Variants in BAZ1B observed in about 807,000 individuals in gnomAD.
The protein encoded by BAZ1B is tyrosine-protein kinase BAZ1B.
A neutral mutation model predicts 153.8 loss-of-function variants in BAZ1B; 22 were observed. The ratio of observed to expected loss-of-function variants is 0.14; its 90% CI spans 0.10 to 0.20. The LOEUF (loss-of-function observed/expected upper bound fraction) is 0.20. BAZ1B is among the 10% of genes least tolerant of loss of function. The probability of loss-of-function intolerance (pLI) is 1.00; values close to 1 mark genes in which losing one functional copy is unlikely to be tolerated. For synonymous variants in BAZ1B, 676 were observed against 633.4 expected, an observed-to-expected ratio of 1.07 and a Z score of -1.01; for missense variants, 1,325 against 1,799.3, an observed-to-expected ratio of 0.74 and a Z score of 4.77.
Position 73,521,856 on chromosome 7 carries a change from C to G in BAZ1B, c.78G>C (p.Pro26=). Residue 26 remains proline, a synonymous_variant, in exon 1 of 20, where the codon CCG becomes CCC. Coordinates refer to ENST00000339594, the MANE Select transcript of BAZ1B (RefSeq NM_032408.4). ...LPGEEPLFTI[P]HTQEAFRTRE... ...GGGTGCGGAAGGCCTCCTGAGTGTG[C>G]GGGATGGTGAAGAGCGGCTCCTCTC... 6.6e-7 allele frequency: 1 copy of G among 1,509,514 alleles called. No individual in the cohort carries two copies. Among genetic ancestry groups the G allele is most frequent in the African/African-American group, 1.4e-5 (1 of 68,998 alleles). The allele number at this position is 1,509,514 out of a possible 1,614,324, so 93.5% of individuals were successfully genotyped here.
chr7:73,508,362 T>C lies in BAZ1B; in HGVS notation c.334A>G (p.Thr112Ala), dbSNP rs1369280242. 6 of 1,614,014 alleles carry C rather than the reference T, an allele frequency of 3.7e-6. No individual in the cohort carries two copies. Among genetic ancestry groups the C allele is most frequent in the Non-Finnish European group, 5.1e-6 (6 of 1,179,968 alleles). Reference sequence around the variant, plus strand: ...CACTCTTCTCCCACAGCATATTTGGTCATGATCTCCAACCAAGCAGTATCT... The same window carrying C: ...CACTCTTCTCCCACAGCATATTTGGCCATGATCTCCAACCAAGCAGTATCT... Reference protein sequence around the residue: ...LVDTAWLEIMTKYAVGEECDF... With the variant: ...LVDTAWLEIMAKYAVGEECDF... The change falls in exon 3 of 20, where the codon ACC becomes GCC. Residue 112 changes from threonine (T) to alanine (A), a missense_variant. Transcript: ENST00000339594.
At position 73,508,378 on chromosome 7, in the gene BAZ1B, A is replaced by C; in HGVS notation, c.318T>G (p.Ala106=). Reference sequence around the variant, plus strand: ...CATATTTGGTCATGATCTCCAACCAAGCAGTATCTACTAACTTCTCTAAGG... The same window carrying C: ...CATATTTGGTCATGATCTCCAACCACGCAGTATCTACTAACTTCTCTAAGG... ...TASLEKLVDT[A]WLEIMTKYAV... is the part of the protein sequence containing the mutation. Residue 106 remains alanine (A), a synonymous_variant, in exon 3 of 20, where the codon GCT becomes GCG. Coordinates refer to ENST00000339594, the MANE Select transcript of BAZ1B (RefSeq NM_032408.4). 6.2e-7 allele frequency: 1 copy of C among 1,614,074 alleles called. No individual in the cohort carries two copies. The highest frequency in any genetic ancestry group is 8.5e-7 in the Non-Finnish European group (1 of 1,179,974).
At chr7:73,456,988 G>C (rs1788230809) in intron 13 of BAZ1B, among the ~76,000 whole-genome samples, 1 of 122,042 alleles carries the variant, frequency 8.2e-6, no homozygotes, top group Non-Finnish European at 1.7e-5. Context: ...GTATTGGCGA[G>C]AATGTGGAAA....
intron 19 of BAZ1B, 32 bp downstream of exon 19, chr7:73,442,149 C>T: frequency 1.4e-6 from 1 of 731,372 alleles, no homozygotes. Context: ...CTCCCACCCT[C>T]CCTAGCTGTC....
At chr7:73,504,261 G>A (rs1382860442) in intron 3 of BAZ1B, among the ~76,000 whole-genome samples, 2 of 152,200 alleles carry the variant, frequency 1.3e-5, no homozygotes, top group Admixed American at 6.5e-5. Context: ...ATTCATGCCT[G>A]TAATCTCAGC....
intron 13 of BAZ1B, among the ~76,000 whole-genome samples, chr7:73,457,938 T>G (rs963991609): frequency 2.0e-5 from 3 of 152,204 alleles, no homozygotes; most frequent in Non-Finnish European, 4.4e-5. Context: ...CCACCTTCCT[T>G]GTTCCACACG....
intron 2 of BAZ1B, among the ~76,000 whole-genome samples, chr7:73,509,215 G>C (rs530526096): frequency 6.6e-6 from 1 of 151,808 alleles, no homozygotes; most frequent in African/African-American, 2.4e-5. Flanking sequence ...CCAGCTACTC[G>C]GGAGGCTGAG....
chr7:73,462,071 C>T (rs1241922053), intron 12 of BAZ1B, among the ~76,000 whole-genome samples: 1 of 152,236 alleles, frequency 6.6e-6, no homozygotes, highest in Admixed American at 6.5e-5. Context: ...CCCGTCTCTA[C>T]AAAAAAATTC....
At position 73,477,256 on chromosome 7, in the gene BAZ1B, A is replaced by G; in HGVS notation, c.2205T>C (p.Ser735=). Residue 735 remains serine, a synonymous_variant, in exon 7 of 20, where the codon TCT becomes TCC. Transcript: ENST00000339594. This position sits in a 1 kb window ranked among gnomAD's most constrained non-coding sequence, Gnocchi z 5.6. ...QDEFLEKLET[S]EFFELTSEEK... ...CCTCTGACGTCAGCTCAAAAAATTC[A>G]GAGGTCTCCAGCTTTTCTAGGAACT... is the stretch of plus-strand genomic sequence containing the variant. 6.2e-7 allele frequency: 1 copy of G among 1,614,242 alleles called. No homozygotes were observed. Among genetic ancestry groups the G allele is most frequent in the Non-Finnish European group, 8.5e-7 (1 of 1,180,052 alleles).
chr7:73,521,922 G>A lies in BAZ1B; in HGVS notation c.12C>T (p.Leu4=), dbSNP rs1201962651. 22 of 1,469,194 alleles carry A rather than the reference G, an allele frequency of 1.5e-5. No homozygotes were observed. Among genetic ancestry groups the A allele is most frequent in the South Asian group, 2.6e-5 (2 of 78,332 alleles). 91.0% of individuals were successfully genotyped at this position (1,469,194 alleles called of 1,614,324 possible). A position where few individuals can be genotyped will look rare whatever the true frequency, so the allele number is the denominator to read the frequency against. The change falls in exon 1 of 20, where the codon CTC becomes CTT. Residue 4 remains leucine, a synonymous_variant. Transcript: ENST00000339594. MAP[L]LGRKPFPLVK... is the part of the protein sequence containing the mutation. The stretch of plus-strand genomic sequence containing the variant: ...CCAGCGGGAAGGGCTTGCGGCCCAG[G>A]AGCGGCGCCATCGCGGCGGCGGCGG...
intron 11 of BAZ1B, chr7:73,464,035 A>T: frequency 1.2e-6 from 1 of 801,500 alleles, no homozygotes; most frequent in Non-Finnish European, 1.5e-6. Context: ...TTGCCTAGAC[A>T]CATCTGTATT....
At chr7:73,448,422 C>T (rs1466412410) in intron 15 of BAZ1B, among the ~76,000 whole-genome samples, 2 of 152,130 alleles carry the variant, frequency 1.3e-5, no homozygotes, top group Non-Finnish European at 2.9e-5. Flanking sequence ...TTACAAGGCC[C>T]GGTATTTGGC....
In BAZ1B at chr7:73,481,030, G is replaced by A. The variant is rs189881712; in HGVS notation, c.892-2461C>T. Reference sequence around the variant, plus strand: ...CAACCTCCACCTCCCAGGCTCAAGCGACTCTCCTGCCTCAGCCTCCCAAGT... The same window carrying A: ...CAACCTCCACCTCCCAGGCTCAAGCAACTCTCCTGCCTCAGCCTCCCAAGT... On this transcript the variant is annotated intron_variant, in intron 6 of 19. Transcript: ENST00000339594. Among the ~76,000 whole-genome samples, 274 of 152,172 alleles carry A rather than the reference G, an allele frequency of 1.8e-3. 3 individuals carry two copies. Among genetic ancestry groups the A allele is most frequent in the African/African-American group, 6.1e-3 (255 of 41,528 alleles).
At chr7:73,449,728 C>A (rs782606104) in intron 14 of BAZ1B, 39 bp from the exon 15 acceptor site, 2 of 1,603,500 alleles carry the variant, frequency 1.2e-6, no homozygotes, top group South Asian at 1.1e-5. Context: ...GTTGGGAGCA[C>A]AGCAGCAGTC....
intron 1 of BAZ1B, among the ~76,000 whole-genome samples, chr7:73,519,199 T>C (rs945926640): frequency 1.3e-5 from 2 of 152,182 alleles, no homozygotes; most frequent in Non-Finnish European, 2.9e-5. Context: ...CAGTAAAATA[T>C]CACACAAAGT....
At chr7:73,493,137 T>G (rs1025576951) in intron 4 of BAZ1B, among the ~76,000 whole-genome samples, 45 of 152,128 alleles carry the variant, frequency 3.0e-4, no homozygotes, top group African/African-American at 1.1e-3. Flanking sequence ...TACAATGTAG[T>G]AAACAGTGTA....
chr7:73,512,028 CAAAAAAAAAAAAAAAAAAA>C (rs1168749967), intron 1 of BAZ1B, among the ~76,000 whole-genome samples: 1 of 34,746 alleles, frequency 2.9e-5, no homozygotes, highest in Non-Finnish European at 4.7e-5. Context: ...AACTCCACCT[CAAAAAAAAAAAAAAAAAAA>C]AAAAAAAAAA....
At chr7:73,504,357 T>C (rs1424708535) in intron 3 of BAZ1B, among the ~76,000 whole-genome samples, 2 of 151,894 alleles carry the variant, frequency 1.3e-5, no homozygotes, top group Admixed American at 6.6e-5. Flanking sequence ...TGTTTCTCTA[T>C]AAAAAATAAA....
In BAZ1B at chr7:73,492,804, T is replaced by A; in HGVS notation, c.689A>T (p.Asp230Val). The A allele has an allele frequency of 6.2e-7, 1 of 1,603,134 alleles. No individual in the cohort carries two copies. The change falls in exon 5 of 20, where the codon GAT becomes GTT. Residue 230 changes from aspartate (D) to valine (V), a missense_variant. Coordinates refer to ENST00000339594, the MANE Select transcript of BAZ1B (RefSeq NM_032408.4). The stretch of plus-strand genomic sequence containing the variant: ...AAAAGTAAAGTGTCAACTAACCTTA[T>A]CTTCATTTTGTAGTTTCACATCATA... ...HKYDVKLQNE[D>V]KIISNVPADS...
Sources: gnomAD v4.1 joint callset for allele counts (sites outside exome capture counted in the v4.1 genomes callset) on GRCh38, gnomAD v4.1.1 for gene constraint, Gnocchi (gnomAD v3.1) non-coding constraint, MANE v1.5 for transcripts, NCBI Gene and HGNC (gene_info 2026-07-23, HGNC 2026-07-21) for gene names.